Variants in DESI2 observed in about 807,000 individuals in gnomAD.
The protein encoded by DESI2 is desumoylating isopeptidase 2, also known as deubiquitinase DESI2.
DESI2 carries 10 observed loss-of-function variants against 24.1 expected under a neutral mutation model. The observed-to-expected ratio is 0.41, with a 90% CI of 0.26 to 0.70. The LOEUF is 0.70. DESI2 is among the 30% of genes least tolerant of loss of function. The pLI is 0.29. For missense variants in DESI2, 122 were observed against 234.9 expected (o/e 0.52, Z 3.14); for synonymous variants, 71 against 87.7 (o/e 0.81, Z 1.06).
chr1:244,659,195 G>A (rs1333967912), intron 1 of DESI2, among the ~76,000 whole-genome samples: 3 of 149,586 alleles, frequency 2.0e-5, no homozygotes, highest in East Asian at 3.9e-4. Flanking sequence ...TTTTAGGGGG[G>A]AAGGGGGTGG....
intron 1 of DESI2, chr1:244,653,869 A>G (rs1327983106): frequency 4.3e-6 from 2 of 465,198 alleles, no homozygotes; most frequent in African/African-American, 4.0e-5. Flanking sequence ...GAATCTCTTC[A>G]AAGGTGAACA....
chr1:244,701,385 G>A (rs533642134), intron 4 of DESI2, among the ~76,000 whole-genome samples: 48 of 152,280 alleles, frequency 3.2e-4, no homozygotes, highest in African/African-American at 1.1e-3. Flanking sequence ...ATACGCAAGA[G>A]ATCCACAATG....
intron 1 of DESI2, among the ~76,000 whole-genome samples, chr1:244,656,014 A>G (rs1305318907): frequency 6.6e-6 from 1 of 152,184 alleles, no homozygotes; most frequent in Non-Finnish European, 1.5e-5. Flanking sequence ...AATTTTTCTC[A>G]AGTCAGTTTT....
intron 1 of DESI2, among the ~76,000 whole-genome samples, chr1:244,685,309 C>T (rs1676781025): frequency 6.6e-6 from 1 of 152,122 alleles, no homozygotes; most frequent in African/African-American, 2.4e-5. Flanking sequence ...AATTTTTATA[C>T]ATGAAATTTA....
intron 1 of DESI2, among the ~76,000 whole-genome samples, chr1:244,684,517 C>T (rs984281010): frequency 6.6e-6 from 1 of 150,750 alleles, no homozygotes; most frequent in African/African-American, 2.5e-5. Context: ...TGTGATCATG[C>T]TACACATATT....
In DESI2 at chr1:244,658,641, T is replaced by G. The variant is rs551251493; in HGVS notation, c.42+5286T>G. Among the ~76,000 whole-genome samples the G allele has an allele frequency of 3.8e-5, 5 of 131,840 alleles. No individual in the cohort carries two copies. The East Asian group carries it at 6.5e-4, about 17-fold the overall frequency. 86.5% of individuals were successfully genotyped at this position (131,840 alleles called of 152,430 possible). ...TCCGCTCAATGAGTGGGGCTTTAGC[T>G]GGTTTTTATTAGGAGAGTTGCCAGT... On this transcript the variant is annotated intron_variant, in intron 1 of 4. Coordinates refer to ENST00000302550, the MANE Select transcript of DESI2 (RefSeq NM_016076.5).
chr1:244,705,580 C>T lies in DESI2; in HGVS notation c.376C>T (p.Arg126Cys), dbSNP rs1317867736. The change falls in exon 5 of 5, where the codon CGC becomes TGC. Residue 126 changes from arginine to cysteine, a missense_variant. Coordinates refer to ENST00000302550, the MANE Select transcript of DESI2 (RefSeq NM_016076.5). ...GATTCTTTGTGGGAAAGAGATTCCT[C>T]GCTGGATCAATCGACTTGCCTACTT... ...SEILCGKEIP[R>C]WINRLAYFSS... 3.1e-6 allele frequency: 5 copies of T among 1,613,976 alleles called. No individual in the cohort carries two copies. Among genetic ancestry groups the T allele is most frequent in the South Asian group, 1.1e-5 (1 of 91,078 alleles).
chr1:244,659,474 T>G (rs7532507), intron 1 of DESI2, among the ~76,000 whole-genome samples: 21,712 of 152,156 alleles, frequency 0.14, 2,835 homozygotes, highest in African/African-American at 0.35. Context: ...TGCTTATATT[T>G]GTAGGTCTGA....
Position 244,707,438 on chromosome 1 carries a change from TCA to T in DESI2, c.*1650_*1651del, listed in dbSNP as rs1677751112. On this transcript the variant is annotated 3_prime_UTR_variant, in exon 5 of 5. Transcript: ENST00000302550. Reference sequence around the variant, plus strand: ...AGAGGAAAGCCTTTACAAATTACTCTCAGTTCTTTAGGGGCAGAAGGCTTGTT... The same window carrying T: ...AGAGGAAAGCCTTTACAAATTACTCTGTTCTTTAGGGGCAGAAGGCTTGTT... 1 of 152,620 alleles carries T rather than the reference TCA, an allele frequency of 6.6e-6. No homozygotes were observed. 9.5% of individuals were successfully genotyped at this position (152,620 alleles called of 1,614,324 possible).
chr1:244,656,225 C>G (rs754843477), intron 1 of DESI2: 1 of 152,124 alleles, frequency 6.6e-6, no homozygotes, highest in Admixed American at 6.5e-5. Context: ...GGACCTCTTG[C>G]CATGTGTCCT....
chr1:244,674,552 T>A (rs1218275298), intron 1 of DESI2, among the ~76,000 whole-genome samples: 1 of 152,168 alleles, frequency 6.6e-6, no homozygotes, highest in African/African-American at 2.4e-5. Context: ...GAACCACGAA[T>A]CTACTTTCCG....
intron 1 of DESI2, among the ~76,000 whole-genome samples, chr1:244,666,394 G>GT (rs901985035): frequency 9.3e-5 from 14 of 151,302 alleles, no homozygotes; most frequent in African/African-American, 2.2e-4. Flanking sequence ...TGCCTCATCA[G>GT]TTTTTTTTTA....
intron 4 of DESI2, among the ~76,000 whole-genome samples, chr1:244,703,905 G>A (rs12088143): frequency 0.021 from 3,131 of 151,958 alleles, 102 homozygotes; most frequent in African/African-American, 0.07. Context: ...TGATCTGCCC[G>A]CCTCGGCCTC....
chr1:244,707,178 AATT>A lies in DESI2; in HGVS notation c.*1393_*1395del, dbSNP rs1286016735. The A allele has an allele frequency of 2.0e-5, 3 of 152,590 alleles. No homozygotes were observed. The highest frequency in any genetic ancestry group is 4.4e-5 in the Non-Finnish European group (3 of 68,030). The allele number at this position is 152,590 out of a possible 1,614,324, so 9.5% of individuals were successfully genotyped here. On this transcript the variant is annotated 3_prime_UTR_variant, in exon 5 of 5. Coordinates refer to ENST00000302550, the MANE Select transcript of DESI2 (RefSeq NM_016076.5). ...ACATATAAAATATAGTTAGTTTTAA[AATT>A]ATTGACATTTATTTAAACTTTTAGA...
At chr1:244,694,294 C>CT in intron 4 of DESI2, 1 of 409,426 alleles carries the variant, frequency 2.4e-6, no homozygotes, top group Non-Finnish European at 4.6e-6. Context: ...TTTTTACATT[C>CT]TTTTTAAGGA....
At chr1:244,662,523 GT>G (rs886927349) in intron 1 of DESI2, among the ~76,000 whole-genome samples, 1 of 152,094 alleles carries the variant, frequency 6.6e-6, no homozygotes, top group African/African-American at 2.4e-5. Context: ...AAAACAGGAT[GT>G]TTTTTGTTTT....
intron 1 of DESI2, among the ~76,000 whole-genome samples, chr1:244,684,177 T>A (rs1676733131): frequency 6.6e-6 from 1 of 152,148 alleles, no homozygotes; most frequent in African/African-American, 2.4e-5. Flanking sequence ...ACCTATTCTT[T>A]TACTATAGTA....
chr1:244,656,599 A>G (rs1675655354), intron 1 of DESI2: 1 of 152,198 alleles, frequency 6.6e-6, no homozygotes. Flanking sequence ...GGTGACTCAG[A>G]TTAGTTTCAA....
At chr1:244,690,315 C>T (rs948143058) in intron 3 of DESI2, among the ~76,000 whole-genome samples, 10 of 152,092 alleles carry the variant, frequency 6.6e-5, no homozygotes, top group East Asian at 1.9e-4. Context: ...TGAGAACATA[C>T]GGTGTTTGGT....
Sources: allele counts gnomAD v4.1 joint callset (sites outside exome capture counted in the v4.1 genomes callset), GRCh38; gene constraint gnomAD v4.1.1; transcripts MANE v1.5; gene names NCBI Gene and HGNC (gene_info 2026-07-23, HGNC 2026-07-21).